SSBP2: variants seen among roughly 807,000 people sequenced by gnomAD.
SSBP2 encodes single stranded DNA binding protein 2.
In SSBP2, 17 loss-of-function variants were observed where a neutral mutation model predicts 61.8. The observed-to-expected ratio is 0.28, with a 90% CI of 0.19 to 0.41. SSBP2 has a LOEUF of 0.41. SSBP2 is among the 10% of genes least tolerant of loss of function. The pLI, the probability that SSBP2 is intolerant of heterozygous loss-of-function variation, is 1.00. For missense variants in SSBP2, 310 were observed against 458.7 expected (o/e 0.68, Z 2.96); for synonymous variants, 139 against 141.3 (o/e 0.98, Z 0.12).
rs143952259 is a variant in SSBP2 at position 81,486,603 on chromosome 5, A to G, written c.432+2647T>C. On this transcript the variant is annotated intron_variant, in intron 6 of 16. Transcript: ENST00000320672. ...TAAAAAACCATGAAGCCTGCCTCCAATAAGAGATGCACATTTCTTTAAAAA... is the reference window on the plus strand; with the variant it reads ...TAAAAAACCATGAAGCCTGCCTCCAGTAAGAGATGCACATTTCTTTAAAAA... Among the ~76,000 whole-genome samples the G allele has an allele frequency of 5.3e-3, 802 of 152,318 alleles. 6 individuals carry two copies. The highest frequency in any genetic ancestry group is 0.018 in the African/African-American group (756 of 41,566).
At chr5:81,628,457 A>C (rs747293233) in intron 3 of SSBP2, among the ~76,000 whole-genome samples, 1 of 152,256 alleles carries the variant, frequency 6.6e-6, no homozygotes, top group Non-Finnish European at 1.5e-5. Flanking sequence ...AAAAGGCATC[A>C]TATCAAGAGC....
intron 4 of SSBP2, among the ~76,000 whole-genome samples, chr5:81,588,229 C>T (rs1267270292): frequency 6.6e-6 from 1 of 152,116 alleles, no homozygotes; most frequent in Non-Finnish European, 1.5e-5. Context: ...AGGCATGAGC[C>T]ACCATGCCTG....
intron 1 of SSBP2, among the ~76,000 whole-genome samples, chr5:81,666,003 T>C (rs406292): frequency 0.38 from 57,151 of 152,038 alleles, 11,144 homozygotes; most frequent in Middle Eastern, 0.58. Flanking sequence ...TGAGTAGTTA[T>C]AGCAGTGAAA....
At chr5:81,659,798 T>C (rs1199411294) in intron 1 of SSBP2, among the ~76,000 whole-genome samples, 2 of 151,980 alleles carry the variant, frequency 1.3e-5, no homozygotes, top group East Asian at 1.9e-4. Flanking sequence ...AAAACGGCTA[T>C]AGTATACAAA....
intron 1 of SSBP2, among the ~76,000 whole-genome samples, chr5:81,671,074 G>T (rs1751546995): frequency 6.6e-6 from 1 of 152,106 alleles, no homozygotes; most frequent in Non-Finnish European, 1.5e-5. Flanking sequence ...TGCTTCAGAT[G>T]AATACACCTA....
intron 1 of SSBP2, among the ~76,000 whole-genome samples, chr5:81,695,337 G>A (rs1312294764): frequency 6.6e-6 from 1 of 152,146 alleles, no homozygotes; most frequent in East Asian, 1.9e-4. Flanking sequence ...AATTATTCTG[G>A]TTTAGTCTTT....
chr5:81,594,104 G>A (rs147629667), intron 4 of SSBP2, among the ~76,000 whole-genome samples: 2 of 152,092 alleles, frequency 1.3e-5, no homozygotes, highest in Admixed American at 6.6e-5. Flanking sequence ...CCCATCTCAC[G>A]TGAAGAGACA....
At chr5:81,570,594 G>A (rs988137141) in intron 4 of SSBP2, among the ~76,000 whole-genome samples, 1 of 152,156 alleles carries the variant, frequency 6.6e-6, no homozygotes, top group Non-Finnish European at 1.5e-5. Context: ...CCTCCAACAG[G>A]GGCGTCTGCC....
At chr5:81,685,029 TAGTG>T (rs1221140155) in intron 1 of SSBP2, among the ~76,000 whole-genome samples, 1 of 152,070 alleles carries the variant, frequency 6.6e-6, no homozygotes, top group Non-Finnish European at 1.5e-5. Flanking sequence ...CTTCTTGTGA[TAGTG>T]AGTTCTCACG....
chr5:81,479,603 A>C (rs373868795), intron 6 of SSBP2, among the ~76,000 whole-genome samples: 22 of 126,364 alleles, frequency 1.7e-4, no homozygotes, highest in African/African-American at 6.5e-4. Flanking sequence ...GCTTTGTTTT[A>C]CAAAAGATCT....
chr5:81,573,211 G>A (rs1341104336), intron 4 of SSBP2, among the ~76,000 whole-genome samples: 1 of 150,982 alleles, frequency 6.6e-6, no homozygotes, highest in African/African-American at 2.5e-5. Context: ...TCTGTAAACT[G>A]AGACAGTTTC....
intron 1 of SSBP2, among the ~76,000 whole-genome samples, chr5:81,675,135 A>T (rs1344158697): frequency 2.6e-5 from 4 of 152,172 alleles, no homozygotes. Flanking sequence ...TATACTGAGC[A>T]CAAACATATA....
At chr5:81,687,296 T>C (rs1752890864) in intron 1 of SSBP2, among the ~76,000 whole-genome samples, 2 of 152,158 alleles carry the variant, frequency 1.3e-5, no homozygotes, top group Admixed American at 1.3e-4. Flanking sequence ...GGAGGGAGCA[T>C]ATAGACCAGC....
chr5:81,750,892 G>T lies in SSBP2; in HGVS notation c.62+89C>A, dbSNP rs143572025. ...CCACCCCCGGCGCTCCCCGGGCGGA[G>T]AGTGTCTGTGTCTCCCAGAGTGTGC... On this transcript the variant is annotated intron_variant, in intron 1 of 16. Transcript: ENST00000320672. The T allele has an allele frequency of 3.8e-3, 5,359 of 1,419,782 alleles. 19 individuals are homozygous for T. Among genetic ancestry groups the T allele is most frequent in the Non-Finnish European group, 4.3e-3 (4,441 of 1,032,568 alleles). 87.9% of individuals were successfully genotyped at this position (1,419,782 alleles called of 1,614,324 possible). A position where few individuals can be genotyped will look rare whatever the true frequency, so the allele number is the denominator to read the frequency against.
At chr5:81,636,765 A>G (rs1191876743) in intron 2 of SSBP2, 147 bp from the exon 3 acceptor site, 10 of 675,588 alleles carry the variant, frequency 1.5e-5, no homozygotes, top group Non-Finnish European at 2.4e-5. Context: ...TTTTGCAAGT[A>G]CTCATTTTAC....
In SSBP2 at chr5:81,585,607, G is replaced by A. The variant is rs138039235; in HGVS notation, c.282+29866C>T. 6.7e-3 allele frequency among the ~76,000 whole-genome samples: 1,024 copies of A among 151,756 alleles called. 12 individuals are homozygous for A. Among genetic ancestry groups the A allele is most frequent in the African/African-American group, 0.024 (994 of 41,370 alleles). On this transcript the variant is annotated intron_variant, in intron 4 of 16. Coordinates refer to ENST00000320672, the MANE Select transcript of SSBP2 (RefSeq NM_012446.5). ...TATTTTCATAAATGTATACACTATGGAATGGCTGAATCAAGCTAATTAACA... is the reference window on the plus strand; with the variant it reads ...TATTTTCATAAATGTATACACTATGAAATGGCTGAATCAAGCTAATTAACA...
Position 81,501,563 on chromosome 5 carries a change from CTTTTTTTTT to C in SSBP2, c.372+12056_372+12064del, listed in dbSNP as rs71603598. Among the ~76,000 whole-genome samples, 14 of 117,390 alleles carry C rather than the reference CTTTTTTTTT, an allele frequency of 1.2e-4. 1 individual carries two copies. The highest frequency in any genetic ancestry group is 2.7e-4 in the African/African-American group (9 of 33,842). 77.0% of individuals were successfully genotyped at this position (117,390 alleles called of 152,430 possible). A position where few individuals can be genotyped will look rare whatever the true frequency, so the allele number is the denominator to read the frequency against. On this transcript the variant is annotated intron_variant, in intron 5 of 16. Transcript: ENST00000320672. ...TTGTTTCCTTTTCTTTCTTTCTTTT[CTTTTTTTTT>C]TTTTTTTTGAGATGGAGTCTCACTC...
intron 4 of SSBP2, among the ~76,000 whole-genome samples, chr5:81,528,389 G>C (rs537333301): frequency 1.3e-5 from 2 of 151,994 alleles, no homozygotes; most frequent in African/African-American, 4.8e-5. Context: ...TTTCTAAACA[G>C]GCTTGGATAG....
intron 1 of SSBP2, among the ~76,000 whole-genome samples, chr5:81,692,152 T>C (rs1444039871): frequency 1.3e-5 from 2 of 152,292 alleles, no homozygotes; most frequent in African/African-American, 2.4e-5. Context: ...ACAAACAAAT[T>C]TGGGAAAGCT....
Sources: gnomAD v4.1 joint callset for allele counts (sites outside exome capture counted in the v4.1 genomes callset) on GRCh38, gnomAD v4.1.1 for gene constraint, MANE v1.5 for transcripts, NCBI Gene and HGNC (gene_info 2026-07-23, HGNC 2026-07-21) for gene names.